Variants in UMAD1 observed in about 807,000 individuals in gnomAD.
UMAD1 encodes UBAP1-MVB12-associated (UMA)-domain containing protein 1.
Under a neutral mutation model 6.1 loss-of-function variants are expected in UMAD1, and 8 were observed. The ratio of observed to expected loss-of-function variants is 1.30; its 90% CI spans 0.76 to 2.35. The LOEUF (loss-of-function observed/expected upper bound fraction) is 2.35. UMAD1 is among the 30% of genes most tolerant of loss of function. The pLI is 0.00. For synonymous variants in UMAD1, 56 were observed against 31.4 expected, an observed-to-expected ratio of 1.78 and a Z score of -2.61; for missense variants, 130 against 78.4, an observed-to-expected ratio of 1.66 and a Z score of -2.49.
chr7:7,759,461 C>T lies in UMAD1; in HGVS notation c.83-42209C>T, dbSNP rs1248031132. On this transcript the variant is annotated intron_variant, in intron 2 of 3. Coordinates refer to ENST00000682710, the MANE Select transcript of UMAD1 (RefSeq NM_001302348.2). ...GTCCGGTTACATCGAGCATTTTGCG[C>T]CCTCTTTAAACTTGACTGAGAATTT... 2.0e-5 allele frequency among the ~76,000 whole-genome samples: 3 copies of T among 152,216 alleles called. No homozygotes were observed. The East Asian group carries it at 5.8e-4, about 29-fold the overall frequency.
intron 2 of UMAD1, among the ~76,000 whole-genome samples, chr7:7,722,978 A>G (rs1007564752): frequency 1.4e-4 from 21 of 152,316 alleles, no homozygotes; most frequent in African/African-American, 5.1e-4. Flanking sequence ...TGCTGCCATC[A>G]GCCTTTCCAC....
At chr7:7,794,014 T>A (rs535225983) in intron 2 of UMAD1, among the ~76,000 whole-genome samples, 86 of 152,188 alleles carry the variant, frequency 5.7e-4, no homozygotes, top group Non-Finnish European at 1.0e-3. Flanking sequence ...GGAAATCAAC[T>A]GGAAGAGAAC....
chr7:7,815,320 G>A (rs1394815572), intron 3 of UMAD1, among the ~76,000 whole-genome samples: 2 of 152,104 alleles, frequency 1.3e-5, no homozygotes, highest in Non-Finnish European at 2.9e-5. Context: ...AGTATCTGAT[G>A]TATACTAGAT....
At chr7:7,670,554 T>C (rs1364567237) in intron 1 of UMAD1, among the ~76,000 whole-genome samples, 1 of 152,172 alleles carries the variant, frequency 6.6e-6, no homozygotes. Context: ...TCTCTACTAC[T>C]ATAGGCAAAG....
intron 1 of UMAD1, among the ~76,000 whole-genome samples, chr7:7,651,398 GTA>G (rs902833179): frequency 1.3e-5 from 2 of 152,152 alleles, no homozygotes; most frequent in Admixed American, 6.5e-5. Flanking sequence ...CAACATTTGG[GTA>G]TGGAAACAGG....
chr7:7,648,760 G>A lies in UMAD1; in HGVS notation c.-64+7939G>A, dbSNP rs923557394. ...CCTAGCTACTTGGGAGGCTGAGGTG[G>A]GAGGATGGCTTGAGTTCAGGAGGTG... On this transcript the variant is annotated intron_variant, in intron 1 of 3. Transcript: ENST00000682710. Among the ~76,000 whole-genome samples, 6 of 152,206 alleles carry A rather than the reference G, an allele frequency of 3.9e-5. No homozygotes were observed. In the East Asian group the frequency reaches 1.2e-3, roughly 29 times the overall value.
intron 2 of UMAD1, among the ~76,000 whole-genome samples, chr7:7,727,506 G>C (rs1781164101): frequency 6.6e-6 from 1 of 152,190 alleles, no homozygotes; most frequent in Admixed American, 6.5e-5. Flanking sequence ...TGGGATGGTT[G>C]ATACTGAGTG....
intron 3 of UMAD1, among the ~76,000 whole-genome samples, chr7:7,828,086 C>A (rs895552510): frequency 8.5e-5 from 13 of 152,132 alleles, no homozygotes; most frequent in Admixed American, 7.2e-4. Flanking sequence ...TTGTCATTCA[C>A]CACTACCATC....
intron 2 of UMAD1, among the ~76,000 whole-genome samples, chr7:7,794,825 T>G (rs1782641589): frequency 6.6e-6 from 1 of 152,166 alleles, no homozygotes; most frequent in African/African-American, 2.4e-5. Context: ...TTCCCAGATC[T>G]AGGAGAGATG....
At chr7:7,662,487 C>T (rs187652017) in intron 1 of UMAD1, among the ~76,000 whole-genome samples, 36 of 152,318 alleles carry the variant, frequency 2.4e-4, no homozygotes, top group Middle Eastern at 3.4e-3. Flanking sequence ...TTGCGAAGAC[C>T]GTGGGAAAAG....
chr7:7,739,237 C>A (rs1412008558), intron 2 of UMAD1, among the ~76,000 whole-genome samples: 1 of 152,212 alleles, frequency 6.6e-6, no homozygotes, highest in Non-Finnish European at 1.5e-5. Flanking sequence ...TAGTAATGAA[C>A]TGCTGCATCA....
At chr7:7,717,073 T>C (rs77078112) in intron 2 of UMAD1, among the ~76,000 whole-genome samples, 1 of 151,338 alleles carries the variant, frequency 6.6e-6, no homozygotes, top group African/African-American at 2.4e-5. Flanking sequence ...TTTTTTTTTT[T>C]TGAGACGGAG....
At chr7:7,691,235 G>C (rs895776973) in intron 2 of UMAD1, among the ~76,000 whole-genome samples, 1 of 152,102 alleles carries the variant, frequency 6.6e-6, no homozygotes, top group African/African-American at 2.4e-5. Context: ...CAAGTATTAG[G>C]CAGGTAAAAT....
chr7:7,855,583 G>A (rs1490618588), intron 3 of UMAD1, among the ~76,000 whole-genome samples: 1 of 152,308 alleles, frequency 6.6e-6, no homozygotes, highest in Non-Finnish European at 1.5e-5. Flanking sequence ...CACAGCAGGG[G>A]GGGCCCTAGA....
chr7:7,802,167 C>T (rs1415991304), intron 3 of UMAD1, among the ~76,000 whole-genome samples: 2 of 152,170 alleles, frequency 1.3e-5, no homozygotes, highest in Non-Finnish European at 2.9e-5. Context: ...ATCACGAGGT[C>T]AAGAGATCAA....
intron 1 of UMAD1, among the ~76,000 whole-genome samples, chr7:7,657,135 T>C (rs912676253): frequency 4.6e-5 from 7 of 152,248 alleles, no homozygotes; most frequent in Admixed American, 2.0e-4. Flanking sequence ...TGTCAGTTCA[T>C]ATCTTCTGCC....
At chr7:7,661,873 C>T (rs1157625053) in intron 1 of UMAD1, among the ~76,000 whole-genome samples, 1 of 152,134 alleles carries the variant, frequency 6.6e-6, no homozygotes, top group African/African-American at 2.4e-5. Flanking sequence ...AGCTGGCAGG[C>T]AGGGACGTTT....
chr7:7,728,455 C>G (rs1781184740), intron 2 of UMAD1, among the ~76,000 whole-genome samples: 1 of 152,028 alleles, frequency 6.6e-6, no homozygotes, highest in South Asian at 2.1e-4. Flanking sequence ...ACCAGCCTGA[C>G]CAACATGGTG....
intron 3 of UMAD1, among the ~76,000 whole-genome samples, chr7:7,820,374 A>G (rs1399317507): frequency 6.6e-6 from 1 of 152,238 alleles, no homozygotes; most frequent in Non-Finnish European, 1.5e-5. Flanking sequence ...CTATAAGTCC[A>G]CTGACTTTTT....
Sources: gnomAD v4.1 joint callset for allele counts (sites outside exome capture counted in the v4.1 genomes callset) on GRCh38, gnomAD v4.1.1 for gene constraint, MANE v1.5 for transcripts, NCBI Gene and HGNC (gene_info 2026-07-23, HGNC 2026-07-21) for gene names.